CDC27: variants seen among roughly 807,000 people sequenced by gnomAD.
CDC27 encodes cell division cycle protein 27 homolog.
Under a neutral mutation model 109.7 loss-of-function variants are expected in CDC27, and 27 were observed. The ratio of observed to expected loss-of-function variants is 0.25; its 90% confidence interval spans 0.18 to 0.34. The LOEUF (loss-of-function observed/expected upper bound fraction) is 0.34, where lower values mean the gene tolerates loss of function less well. CDC27 is among the 10% of genes least tolerant of loss of function. CDC27 has a pLI of 1.00. For missense variants in CDC27, 579 were observed against 960.2 expected (o/e 0.60, Z 5.25); for synonymous variants, 266 against 333.9 (o/e 0.80, Z 2.22).
chr17:47,150,422 A>G (rs928614726), intron 9 of CDC27, among the ~76,000 whole-genome samples: 1 of 152,200 alleles, frequency 6.6e-6, no homozygotes, highest in African/African-American at 2.4e-5. Context: ...GGAAATTTAG[A>G]TACAGAAACA....
rs774120940 is a variant in CDC27, at chr17:47,122,461, G to C, written c.2375C>G (p.Thr792Ser). Residue 792 changes from threonine to serine, a missense_variant, in exon 18 of 19, where the codon ACC (threonine) becomes AGC (serine). Physicochemically the swap from Thr to Ser is moderately conservative, Grantham distance 58 (BLOSUM62 1). Coordinates refer to ENST00000066544, the MANE Select transcript of CDC27 (RefSeq NM_001256.6). ...RYLPDDEEPI[T>S]QEEQIMGTDE... ...ATACTTACTGATCTGTTCTTCTTGG[G>C]TTATTGGCTCCTCATCATCTGGAAG... is the stretch of plus-strand genomic sequence containing the variant. 4 of 1,603,562 alleles carry C rather than the reference G, an allele frequency of 2.5e-6. No homozygotes were observed. Among genetic ancestry groups the C allele is most frequent in the Non-Finnish European group, 3.4e-6 (4 of 1,174,474 alleles).
intron 8 of CDC27, 109 bp downstream of exon 8, chr17:47,154,563 G>C (rs2063241598): frequency 1.6e-6 from 1 of 616,078 alleles, no homozygotes; most frequent in Non-Finnish European, 2.9e-6. Flanking sequence ...TCAAATATAA[G>C]GCAAAAGCAA....
chr17:47,137,292 C>G lies in CDC27; in HGVS notation c.1773G>C (p.Gln591His). 1.2e-6 allele frequency: 2 copies of G among 1,612,010 alleles called. No individual in the cohort carries two copies. Among genetic ancestry groups the G allele is most frequent in the Non-Finnish European group, 1.7e-6 (2 of 1,179,194 alleles). ...AATTTGGATCAACTTGGATAGCTCT[C>G]TGGAAGAATTTAATTGCAATATCAT... ...REHDIAIKFF[Q>H]RAIQVDPNYA... is the part of the protein sequence containing the mutation. Residue 591 changes from glutamine (Q) to histidine (H), a missense_variant, in exon 14 of 19, where the codon CAG (glutamine) becomes CAC (histidine). Gln to His is a conservative substitution (Grantham distance 24, BLOSUM62 0). Around this residue, in one of 9 missense-constraint regions of CDC27, gnomAD observed 227 missense variants for 363.6 expected, o/e 0.62. Transcript: ENST00000066544.
chr17:47,137,429 TA>T, intron 13 of CDC27, 69 bp from the exon 14 acceptor site: 1 of 868,400 alleles, frequency 1.2e-6, no homozygotes. Flanking sequence ...AATCTATGAC[TA>T]AAATCAAGCC....
intron 16 of CDC27, among the ~76,000 whole-genome samples, chr17:47,127,062 G>A (rs1356494636): frequency 1.3e-5 from 2 of 152,130 alleles, no homozygotes; most frequent in African/African-American, 4.8e-5. Context: ...TCAAAGTGCT[G>A]GGATTACAAG....
chr17:47,130,874 T>C (rs1358134718), intron 15 of CDC27, among the ~76,000 whole-genome samples: 4 of 97,260 alleles, frequency 4.1e-5, no homozygotes, highest in Non-Finnish European at 8.9e-5. Context: ...CGAAACTCCA[T>C]CTCAAAAAAA....
chr17:47,176,670 G>A (rs1052771409), intron 2 of CDC27, among the ~76,000 whole-genome samples: 20 of 152,270 alleles, frequency 1.3e-4, no homozygotes, highest in African/African-American at 4.6e-4. Flanking sequence ...GTTTTAAGAA[G>A]GAACATAAAT....
chr17:47,124,011 G>A (rs1272585952), intron 16 of CDC27, 51 bp from the exon 17 acceptor site: 2 of 1,268,606 alleles, frequency 1.6e-6, no homozygotes, highest in Non-Finnish European at 1.1e-6. Flanking sequence ...TTAAAGTTTT[G>A]ACCAAGCGTT....
chr17:47,159,963 G>A (rs893093889), intron 4 of CDC27: 18 of 304,392 alleles, frequency 5.9e-5, no homozygotes, highest in South Asian at 4.0e-4. Flanking sequence ...CCACGGCTGC[G>A]ACCCCAGCCC....
chr17:47,126,039 A>G (rs991090627), intron 16 of CDC27, among the ~76,000 whole-genome samples: 1 of 152,212 alleles, frequency 6.6e-6, no homozygotes, highest in Non-Finnish European at 1.5e-5. Context: ...TGTCTCACAT[A>G]GCATCAGAGC....
chr17:47,181,656 G>T lies in CDC27; in HGVS notation c.28-19C>A, dbSNP rs11570461. On this transcript the variant is annotated intron_variant, in intron 1 of 18. Transcript: ENST00000066544. ...TAGCAGCCTGCAAATGGAGGAAAAA[G>T]AACATAAATATACATACATACAGAC... 18,768 of 1,496,102 alleles carry T rather than the reference G, an allele frequency of 0.013. 154 individuals carry two copies. Among genetic ancestry groups the T allele is most frequent in the Non-Finnish European group, 0.015 (15,769 of 1,078,234 alleles). 92.7% of individuals were successfully genotyped at this position (1,496,102 alleles called of 1,614,324 possible).
At chr17:47,135,407 AGATGATGATGATGAT>A (rs201672676) in intron 14 of CDC27, among the ~76,000 whole-genome samples, 10 of 150,542 alleles carry the variant, frequency 6.6e-5, no homozygotes, top group Non-Finnish European at 1.2e-4. Context: ...GGCCATAACT[AGATGATGATGATGAT>A]GATGATGATG....
At chr17:47,180,019 T>C (rs762482584) in intron 2 of CDC27, among the ~76,000 whole-genome samples, 1 of 152,068 alleles carries the variant, frequency 6.6e-6, no homozygotes, top group Non-Finnish European at 1.5e-5. Context: ...CTCCAGCTCT[T>C]TGGGAGGCTG....
At chr17:47,130,355 G>A (rs939870437) in intron 15 of CDC27, among the ~76,000 whole-genome samples, 2 of 151,046 alleles carry the variant, frequency 1.3e-5, no homozygotes, top group African/African-American at 4.9e-5. Context: ...GCGAGACTCC[G>A]TCTCAAAAAA....
At chr17:47,186,070 T>C (rs957352672) in intron 1 of CDC27, among the ~76,000 whole-genome samples, 3 of 152,234 alleles carry the variant, frequency 2.0e-5, no homozygotes, top group African/African-American at 7.2e-5. Context: ...CTGGTCTACA[T>C]GATCATGCAG....
chr17:47,134,769 C>T (rs947519214), intron 14 of CDC27, among the ~76,000 whole-genome samples: 1 of 150,762 alleles, frequency 6.6e-6, no homozygotes, highest in African/African-American at 2.4e-5. Context: ...CCACCGTGCC[C>T]GGCCTTAATT....
At chr17:47,157,941 A>T (rs1430649003) in intron 5 of CDC27, among the ~76,000 whole-genome samples, 1 of 152,220 alleles carries the variant, frequency 6.6e-6, no homozygotes, top group Non-Finnish European at 1.5e-5. Context: ...TAAACACACA[A>T]TATAACCCAT....
intron 4 of CDC27, among the ~76,000 whole-genome samples, chr17:47,158,620 A>ATTT (rs376030802): frequency 1.4e-5 from 2 of 140,842 alleles, no homozygotes; most frequent in African/African-American, 2.6e-5. Flanking sequence ...ATTATTCTTA[A>ATTT]TTTTTTTTTT....
intron 4 of CDC27, among the ~76,000 whole-genome samples, chr17:47,165,608 G>C (rs1350061672): frequency 6.6e-6 from 1 of 152,106 alleles, no homozygotes; most frequent in Non-Finnish European, 1.5e-5. Context: ...TTTTCTCCCA[G>C]GCTGTGACTT....
Sources: allele counts gnomAD v4.1 joint callset (sites outside exome capture counted in the v4.1 genomes callset), GRCh38; gene constraint gnomAD v4.1.1; regional missense constraint gnomAD v4.1.1; transcripts MANE v1.5; gene names NCBI Gene and HGNC (gene_info 2026-07-23, HGNC 2026-07-21).